The following MGAT5B variants were observed in gnomAD, a reference collection of about 807,000 sequenced individuals.
The protein encoded by MGAT5B is N-acetylglucosaminyl-transferase Vb.
Under a neutral mutation model 95.1 loss-of-function variants are expected in MGAT5B, and 54 were observed. That is an observed-to-expected ratio of 0.57 (90% confidence interval 0.46 to 0.71). MGAT5B has a LOEUF of 0.71. Ranked by LOEUF, MGAT5B falls within the 30% of genes least tolerant of loss-of-function variation. The pLI, the probability that MGAT5B is intolerant of heterozygous loss-of-function variation, is 0.00. For synonymous variants in MGAT5B, 464 were observed against 451.0 expected (o/e 1.03, Z -0.36); for missense variants, 935 against 1,088.6 (o/e 0.86, Z 1.99).
At chr17:76,924,031 G>T (rs533074777) in intron 8 of MGAT5B, 1 of 152,322 alleles carries the variant, frequency 6.6e-6, no homozygotes, top group African/African-American at 2.4e-5. Context: ...AGAAACCGAG[G>T]CTGTGGAGTT....
chr17:76,870,858 G>A lies in MGAT5B; in HGVS notation c.68+1761G>A, dbSNP rs750893556. On this transcript the variant is annotated intron_variant, in intron 1 of 17. Transcript: ENST00000569840. This position sits in a 1 kb window ranked among gnomAD's most constrained non-coding sequence, Gnocchi z 5.0. The stretch of plus-strand genomic sequence containing the variant: ...TGCTGGCAGGGTCTTTATTCCATAG[G>A]TGCCCCTGGAATGTTGCTTGAGTGG... Among the ~76,000 whole-genome samples the A allele has an allele frequency of 5.3e-5, 8 of 152,134 alleles. No individual in the cohort carries two copies. The highest frequency in any genetic ancestry group is 1.2e-4 in the African/African-American group (5 of 41,420).
chr17:76,922,943 G>C (rs1969165068), intron 8 of MGAT5B, among the ~76,000 whole-genome samples: 1 of 152,186 alleles, frequency 6.6e-6, no homozygotes, highest in African/African-American at 2.4e-5. Context: ...CTGGAGGTGG[G>C]GGGCAAGGCC....
rs569574465 is a variant in MGAT5B, at chr17:76,915,872, C to T, written c.1026-9094C>T. Among the ~76,000 whole-genome samples the T allele has an allele frequency of 6.6e-6, 1 of 152,226 alleles. No individual in the cohort carries two copies. Among genetic ancestry groups the T allele is most frequent in the African/African-American group, 2.4e-5 (1 of 41,464 alleles). On this transcript the variant is annotated intron_variant, in intron 8 of 17. Coordinates refer to ENST00000569840, the MANE Select transcript of MGAT5B (RefSeq NM_001199172.2). The surrounding 1 kb of genome is among the most constrained non-coding windows in gnomAD (Gnocchi z 8.7). The stretch of plus-strand genomic sequence containing the variant: ...TGAGCGGGGAGCGAGCGCAGGAGCA[C>T]ACATCCCAGCGGAGAGGCCTGGCAG...
chr17:76,924,871 A>G (rs937111625), intron 8 of MGAT5B, 95 bp from the exon 9 acceptor site: 6 of 1,465,000 alleles, frequency 4.1e-6, no homozygotes, highest in East Asian at 2.3e-5. Context: ...AGCTCTCTGC[A>G]CTTGTACAGT....
rs535959735 is a variant in MGAT5B at position 76,916,178 on chromosome 17, C to T, written c.1026-8788C>T. Among the ~76,000 whole-genome samples, 3 of 150,252 alleles carry T rather than the reference C, an allele frequency of 2.0e-5. No homozygotes were observed. Among genetic ancestry groups the T allele is most frequent in the East Asian group, 3.9e-4 (2 of 5,156 alleles). On this transcript the variant is annotated intron_variant, in intron 8 of 17. Transcript: ENST00000569840. The surrounding 1 kb of genome is among the most constrained non-coding windows in gnomAD (Gnocchi z 5.3). ...TCTCCCCTTATGCTCCACATAGCTG[C>T]ACTGCCCTGGCCCCTGCCCTTCATT...
intron 3 of MGAT5B, among the ~76,000 whole-genome samples, chr17:76,888,901 C>G (rs771657479): frequency 1.2e-4 from 18 of 152,210 alleles, no homozygotes; most frequent in Non-Finnish European, 1.8e-4. Flanking sequence ...GTGGAGGGAA[C>G]AGAGCATCTG....
Position 76,868,826 on chromosome 17 carries a change from C to T in MGAT5B, c.-204C>T, listed in dbSNP as rs1598876023. 3.1e-6 allele frequency: 1 copy of T among 324,050 alleles called. No homozygotes were observed. The highest frequency in any genetic ancestry group is 4.9e-5 in the East Asian group (1 of 20,440). The allele number at this position is 324,050 out of a possible 1,614,324, so 20.1% of individuals were successfully genotyped here. ...GACGCAGAGACGGCCCGGCCGGGCG[C>T]CCTCGCCGCCCTCCGGCAGCCGCGC... On this transcript the variant is annotated 5_prime_UTR_variant, in exon 1 of 18. Transcript: ENST00000569840. This position sits in a 1 kb window ranked among gnomAD's most constrained non-coding sequence, Gnocchi z 6.3.
In MGAT5B at chr17:76,914,098, C is replaced by CAAA; in HGVS notation, c.1025+7919_1025+7921dup. 1 of 131,466 alleles carries CAAA rather than the reference C, an allele frequency of 7.6e-6. No homozygotes were observed. Among genetic ancestry groups the CAAA allele is most frequent in the Admixed American group, 7.9e-5 (1 of 12,580 alleles). 8.1% of individuals were successfully genotyped at this position (131,466 alleles called of 1,614,324 possible). A position where few individuals can be genotyped will look rare whatever the true frequency, so the allele number is the denominator to read the frequency against. On this transcript the variant is annotated intron_variant, in intron 8 of 17. Coordinates refer to ENST00000569840, the MANE Select transcript of MGAT5B (RefSeq NM_001199172.2). The surrounding 1 kb of genome is among the most constrained non-coding windows in gnomAD (Gnocchi z 5.1). ...CTTGGGTGACAAAGCAAGACTGTCT[C>CAAA]AAAAAAAAAAGAGAAGAAGAAGAAG...
chr17:76,935,281 T>C (rs1335648859), intron 12 of MGAT5B, among the ~76,000 whole-genome samples: 1 of 152,184 alleles, frequency 6.6e-6, no homozygotes, highest in African/African-American at 2.4e-5. Context: ...CATGGATAAA[T>C]TGTGAAGCCA....
chr17:76,911,230 TG>T (rs1157697656), intron 8 of MGAT5B, among the ~76,000 whole-genome samples: 1 of 152,218 alleles, frequency 6.6e-6, no homozygotes, highest in East Asian at 1.9e-4. Flanking sequence ...AGCTTGAGGC[TG>T]TGGCTTTTCT....
At chr17:76,932,621 T>G in intron 10 of MGAT5B, 24 bp from the exon 11 acceptor site, 1 of 1,612,586 alleles carries the variant, frequency 6.2e-7, no homozygotes, top group Non-Finnish European at 8.5e-7. Context: ...GTGACCCCAT[T>G]CCTTCTGCGT....
chr17:76,946,080 C>G (rs569557934), intron 15 of MGAT5B, among the ~76,000 whole-genome samples: 2 of 147,168 alleles, frequency 1.4e-5, no homozygotes, highest in African/African-American at 2.5e-5. Context: ...CAGTAGGGGA[C>G]ACAGCGCTGA....
chr17:76,932,057 CCTCCTTTTTTCCTCCTCCTCCTCCTCCT>C (rs1969497841), intron 10 of MGAT5B, among the ~76,000 whole-genome samples: 1 of 60,220 alleles, frequency 1.7e-5, no homozygotes, highest in Non-Finnish European at 3.9e-5. Context: ...TCTTTCTCCT[CCTCCTTTTTTCCTCCTCCTCCTCCTCCT>C]CCCCCCCCCC....
Position 76,930,016 on chromosome 17 carries a change from G to T in MGAT5B, c.1292-2629G>T, listed in dbSNP as rs1419593222. 6.6e-6 allele frequency among the ~76,000 whole-genome samples: 1 copy of T among 152,086 alleles called. No homozygotes were observed. The highest frequency in any genetic ancestry group is 2.1e-4 in the South Asian group (1 of 4,822). The stretch of plus-strand genomic sequence containing the variant: ...CAGTCTTGGAGAAGCCAGAGGGGAG[G>T]GGAAGATGGTGCCGGACAGGTAAAC... On this transcript the variant is annotated intron_variant, in intron 10 of 17. Coordinates refer to ENST00000569840, the MANE Select transcript of MGAT5B (RefSeq NM_001199172.2). This position sits in a 1 kb window ranked among gnomAD's most constrained non-coding sequence, Gnocchi z 4.1.
At chr17:76,895,584 C>T (rs1045396443) in intron 3 of MGAT5B, among the ~76,000 whole-genome samples, 2 of 152,164 alleles carry the variant, frequency 1.3e-5, no homozygotes, top group African/African-American at 4.8e-5. Context: ...CTGGCCTTGA[C>T]TGATGGGAGC....
chr17:76,939,920 C>T (rs1054039239), intron 13 of MGAT5B, among the ~76,000 whole-genome samples: 5 of 152,110 alleles, frequency 3.3e-5, no homozygotes, highest in Admixed American at 6.5e-5. Flanking sequence ...TCCAAGCCAC[C>T]GTTAATGGGC....
chr17:76,918,182 TC>T lies in MGAT5B; in HGVS notation c.1026-6777del, dbSNP rs3044689. Among the ~76,000 whole-genome samples the T allele has an allele frequency of 1.3e-5, 2 of 151,492 alleles. No individual in the cohort carries two copies. The highest frequency in any genetic ancestry group is 4.9e-5 in the African/African-American group (2 of 41,182). ...CTCCCTCAGTTTCCCTTTCGGAGGC[TC>T]CCCCCCAACAACTGCACGCCTTGTA... On this transcript the variant is annotated intron_variant, in intron 8 of 17. Coordinates refer to ENST00000569840, the MANE Select transcript of MGAT5B (RefSeq NM_001199172.2). This position sits in a 1 kb window ranked among gnomAD's most constrained non-coding sequence, Gnocchi z 5.1.
At position 76,948,917 on chromosome 17, in the gene MGAT5B, C is replaced by T; in HGVS notation, c.*79C>T. On this transcript the variant is annotated 3_prime_UTR_variant, in exon 18 of 18. Transcript: ENST00000569840. ...AGAAAGCACCAGCAGGTTCTGAGCC[C>T]TGGCTGCTTGTCCTCCTCGCAACCC... The T allele has an allele frequency of 7.0e-7, 1 of 1,436,524 alleles. No homozygotes were observed. Among genetic ancestry groups the T allele is most frequent in the Admixed American group, 2.1e-5 (1 of 47,092 alleles). The allele number at this position is 1,436,524 out of a possible 1,614,324, so 89.0% of individuals were successfully genotyped here.
chr17:76,887,473 T>TC (rs1967685981), intron 3 of MGAT5B, among the ~76,000 whole-genome samples: 3 of 19,012 alleles, frequency 1.6e-4, no homozygotes, highest in African/African-American at 2.1e-4. Context: ...CTCCCTCCCT[T>TC]CCTCCCTCCC....
Sources: gnomAD v4.1 joint callset for allele counts (sites outside exome capture counted in the v4.1 genomes callset) on GRCh38, gnomAD v4.1.1 for gene constraint, Gnocchi (gnomAD v3.1) non-coding constraint, MANE v1.5 for transcripts, NCBI Gene and HGNC (gene_info 2026-07-23, HGNC 2026-07-21) for gene names.